The following AIDA variants were observed in gnomAD, a reference collection of about 807,000 sequenced individuals.
AIDA encodes axin interactor, dorsalization-associated protein.
In AIDA, 18 loss-of-function variants were observed where a neutral mutation model predicts 42.7. The observed-to-expected ratio is 0.42, with a 90% CI of 0.29 to 0.63. AIDA has a LOEUF of 0.63. Ranked by LOEUF, AIDA falls within the 20% of genes least tolerant of loss-of-function variation. AIDA has a pLI of 0.19. For synonymous variants in AIDA, 104 were observed against 122.9 expected, an observed-to-expected ratio of 0.85 and a Z score of 1.02; for missense variants, 250 against 354.1, an observed-to-expected ratio of 0.71 and a Z score of 2.36.
chr1:222,710,759 G>A (rs1479728910), intron 1 of AIDA, among the ~76,000 whole-genome samples: 1 of 152,190 alleles, frequency 6.6e-6, no homozygotes, highest in Non-Finnish European at 1.5e-5. Flanking sequence ...GTATCAGCTT[G>A]TGACCTGAGT....
chr1:222,693,920 C>A (rs1655444838), intron 3 of AIDA, 77 bp from the exon 4 acceptor site: 1 of 1,176,194 alleles, frequency 8.5e-7, no homozygotes, highest in Non-Finnish European at 1.2e-6. Flanking sequence ...TGGCAAGAAC[C>A]AAATATTCAA....
rs1192428422 is a variant in AIDA at position 222,703,332 on chromosome 1, T to C, written c.111-115A>G. 3 of 654,110 alleles carry C rather than the reference T, an allele frequency of 4.6e-6. No individual in the cohort carries two copies. The African/African-American group carries it at 5.7e-5, about 12-fold the overall frequency. The allele number at this position is 654,110 out of a possible 1,614,324, so 40.5% of individuals were successfully genotyped here. A position where few individuals can be genotyped will look rare whatever the true frequency, so the allele number is the denominator to read the frequency against. ...TACAATTATTGTCCTGTTTTTAAAA[T>C]ACAAATCTACATTGAGAACCAAATT... On this transcript the variant is annotated intron_variant, in intron 1 of 9. Transcript: ENST00000340020.
intron 4 of AIDA, among the ~76,000 whole-genome samples, chr1:222,689,489 A>ATG (rs1558211651): frequency 2.4e-5 from 1 of 41,394 alleles, no homozygotes; most frequent in Non-Finnish European, 4.4e-5. Flanking sequence ...GTGTATATAT[A>ATG]TATATATATA....
chr1:222,708,587 C>T (rs1396586460), intron 1 of AIDA, among the ~76,000 whole-genome samples: 1 of 151,948 alleles, frequency 6.6e-6, no homozygotes, highest in Non-Finnish European at 1.5e-5. Flanking sequence ...CCGGGATGGT[C>T]TTGAACTCCT....
In AIDA at chr1:222,694,809, T is replaced by A. The variant is rs573688716; in HGVS notation, c.181-546A>T. Among the ~76,000 whole-genome samples the A allele has an allele frequency of 3.3e-5, 5 of 152,318 alleles. No individual in the cohort carries two copies. In the South Asian group the frequency reaches 1.0e-3, roughly 32 times the overall value. ...TATTAATGATAGGGCATAGATAGTG[T>A]TTGCCTTTAATAAGCTCATGTTGCA... On this transcript the variant is annotated intron_variant, in intron 2 of 9. Transcript: ENST00000340020.
intron 1 of AIDA, among the ~76,000 whole-genome samples, chr1:222,706,000 C>G (rs1285381391): frequency 6.6e-6 from 1 of 151,912 alleles, no homozygotes; most frequent in African/African-American, 2.4e-5. Context: ...ACAGGAAACT[C>G]AATTTTAAAA....
intron 6 of AIDA, among the ~76,000 whole-genome samples, chr1:222,676,937 AAC>A (rs869154145): frequency 6.6e-6 from 1 of 151,466 alleles, no homozygotes. Flanking sequence ...AAAAAAAACA[AAC>A]AAAAAAAAAC....
intron 6 of AIDA, among the ~76,000 whole-genome samples, chr1:222,680,549 T>C (rs1424819679): frequency 6.6e-6 from 1 of 152,168 alleles, no homozygotes; most frequent in East Asian, 1.9e-4. Context: ...ACTAGTGCAC[T>C]GGGAAAAACA....
intron 6 of AIDA, among the ~76,000 whole-genome samples, chr1:222,678,200 GGTGTGTGTGT>G (rs71732365): frequency 1.2e-4 from 17 of 145,372 alleles, no homozygotes; most frequent in African/African-American, 2.6e-4. Context: ...TATATCTTGG[GGTGTGTGTGT>G]GTGTGTGTGT....
chr1:222,678,951 CATCCT>C (rs1664604851), intron 6 of AIDA, among the ~76,000 whole-genome samples: 1 of 152,142 alleles, frequency 6.6e-6, no homozygotes, highest in Admixed American at 6.6e-5. Context: ...ACATGGTGAG[CATCCT>C]GAAAGACGGG....
intron 2 of AIDA, among the ~76,000 whole-genome samples, chr1:222,698,520 C>T (rs553862100): frequency 1.4e-5 from 2 of 138,580 alleles, no homozygotes; most frequent in Non-Finnish European, 3.0e-5. Context: ...GGTGTGATTT[C>T]GGCTCACTGC....
At chr1:222,708,288 G>A (rs1007562844) in intron 1 of AIDA, among the ~76,000 whole-genome samples, 7 of 150,458 alleles carry the variant, frequency 4.7e-5, no homozygotes, top group African/African-American at 1.5e-4. Flanking sequence ...TCCAGCCTGG[G>A]CGACAGAGTG....
At chr1:222,698,855 TAGCTC>T (rs1217352177) in intron 2 of AIDA, among the ~76,000 whole-genome samples, 1 of 152,186 alleles carries the variant, frequency 6.6e-6, no homozygotes, top group Non-Finnish European at 1.5e-5. Flanking sequence ...AGACAGAGTC[TAGCTC>T]TGTAGCCCAG....
At chr1:222,681,199 C>A (rs1347880566) in intron 6 of AIDA, among the ~76,000 whole-genome samples, 1 of 152,170 alleles carries the variant, frequency 6.6e-6, no homozygotes, top group Non-Finnish European at 1.5e-5. Context: ...CTCTGAGGAA[C>A]TGCCCTGGGC....
At chr1:222,704,893 TG>T (rs1361904745) in intron 1 of AIDA, among the ~76,000 whole-genome samples, 1 of 152,174 alleles carries the variant, frequency 6.6e-6, no homozygotes, top group African/African-American at 2.4e-5. Context: ...TGTACTATTC[TG>T]GGTGGGCAAT....
chr1:222,705,015 T>C (rs988956072), intron 1 of AIDA, among the ~76,000 whole-genome samples: 2 of 152,208 alleles, frequency 1.3e-5, no homozygotes, highest in Non-Finnish European at 2.9e-5. Flanking sequence ...TATGCAATCA[T>C]GTCTTTAAAG....
intron 2 of AIDA, among the ~76,000 whole-genome samples, chr1:222,697,753 A>G (rs987041966): frequency 6.6e-6 from 1 of 152,192 alleles, no homozygotes; most frequent in East Asian, 1.9e-4. Flanking sequence ...TAAAAAATAC[A>G]TATAAAGTAG....
rs1422128910 is a variant in AIDA at position 222,712,410 on chromosome 1, G to C, written c.-93C>G. The C allele has an allele frequency of 2.1e-6, 3 of 1,433,282 alleles. No homozygotes were observed. Among genetic ancestry groups the C allele is most frequent in the Admixed American group, 5.6e-5 (2 of 35,472 alleles). The allele number at this position is 1,433,282 out of a possible 1,614,324, so 88.8% of individuals were successfully genotyped here. A position where few individuals can be genotyped will look rare whatever the true frequency, so the allele number is the denominator to read the frequency against. On this transcript the variant is annotated 5_prime_UTR_variant, in exon 1 of 10. Transcript: ENST00000340020. Reference sequence around the variant, plus strand: ...CCCCGGCCTGGCCCCGACATTAACAGGGCCAGGAGGAACCGCTACGGCCAC... The same window carrying C: ...CCCCGGCCTGGCCCCGACATTAACACGGCCAGGAGGAACCGCTACGGCCAC...
chr1:222,681,887 C>T (rs889857484), intron 6 of AIDA, among the ~76,000 whole-genome samples: 3 of 152,112 alleles, frequency 2.0e-5, no homozygotes, highest in Admixed American at 6.5e-5. Context: ...CAGAGAAAAG[C>T]GGAGGAACAT....
Sources: gnomAD v4.1 joint callset for allele counts (sites outside exome capture counted in the v4.1 genomes callset) on GRCh38, gnomAD v4.1.1 for gene constraint, MANE v1.5 for transcripts, NCBI Gene and HGNC (gene_info 2026-07-23, HGNC 2026-07-21) for gene names.